The following CSMD1 variants were observed in gnomAD, a reference collection of about 807,000 sequenced individuals.
CSMD1 encodes CUB and sushi domain-containing protein 1.
A neutral mutation model predicts 417.5 loss-of-function variants in CSMD1; 213 were observed. The observed-to-expected ratio is 0.51, with a 90% CI of 0.46 to 0.57. The LOEUF is 0.57. Ranked by LOEUF, CSMD1 falls within the 20% of genes least tolerant of loss-of-function variation. The probability of loss-of-function intolerance (pLI) is 0.00; values close to 1 mark genes in which losing one functional copy is unlikely to be tolerated. For missense variants in CSMD1, 6,923 were observed against 4,529.7 expected, an observed-to-expected ratio of 1.53 and a Z score of -15.17; for synonymous variants, 2,862 against 1,736.8, an observed-to-expected ratio of 1.65 and a Z score of -16.11.
At chr8:4,613,228 G>A (rs1022700003) in intron 2 of CSMD1, among the ~76,000 whole-genome samples, 2 of 152,164 alleles carry the variant, frequency 1.3e-5, no homozygotes, top group East Asian at 1.9e-4. Context: ...TGTTGAGTGT[G>A]TACAAATTGT....
At chr8:4,329,533 C>A (rs1440413129) in intron 3 of CSMD1, among the ~76,000 whole-genome samples, 1 of 152,140 alleles carries the variant, frequency 6.6e-6, no homozygotes, top group Non-Finnish European at 1.5e-5. Context: ...AGTGATTTGT[C>A]TTCCTTGGCC....
intron 3 of CSMD1, among the ~76,000 whole-genome samples, chr8:4,076,748 G>A (rs1214828033): frequency 1.3e-5 from 2 of 152,048 alleles, no homozygotes; most frequent in Non-Finnish European, 2.9e-5. Flanking sequence ...ACCCACCCTG[G>A]GGAATGACCT....
intron 3 of CSMD1, among the ~76,000 whole-genome samples, chr8:4,203,971 C>A (rs899683306): frequency 2.6e-5 from 4 of 151,980 alleles, no homozygotes; most frequent in Non-Finnish European, 5.9e-5. Flanking sequence ...TGTGGTGGTG[C>A]ACGCCTGTGG....
At chr8:3,531,349 C>A (rs139168152) in intron 10 of CSMD1, among the ~76,000 whole-genome samples, 16 of 152,160 alleles carry the variant, frequency 1.1e-4, no homozygotes, top group African/African-American at 3.9e-4. Context: ...AGCCCCTATC[C>A]GACTTATGCG....
At chr8:3,571,608 G>C (rs1001014338) in intron 10 of CSMD1, among the ~76,000 whole-genome samples, 1 of 152,008 alleles carries the variant, frequency 6.6e-6, no homozygotes, top group Non-Finnish European at 1.5e-5. Context: ...CAGCTGCAGG[G>C]GGAAGCCTGC....
intron 50 of CSMD1, among the ~76,000 whole-genome samples, chr8:3,048,608 T>A (rs1811611753): frequency 6.6e-6 from 1 of 152,246 alleles, no homozygotes; most frequent in African/African-American, 2.4e-5. Context: ...CACCCACATA[T>A]AAAGTTCAAA....
intron 10 of CSMD1, among the ~76,000 whole-genome samples, chr8:3,516,165 A>C (rs1348520627): frequency 6.6e-6 from 1 of 152,234 alleles, no homozygotes; most frequent in African/African-American, 2.4e-5. Context: ...CAAAGACAAT[A>C]TCCTTATCCA....
At chr8:4,841,665 G>T (rs550494221) in intron 1 of CSMD1, among the ~76,000 whole-genome samples, 1 of 152,078 alleles carries the variant, frequency 6.6e-6, no homozygotes. Flanking sequence ...AATCCCAGCC[G>T]TTTGGGAGGC....
At chr8:3,321,282 T>G (rs1456321559) in intron 23 of CSMD1, among the ~76,000 whole-genome samples, 2 of 152,134 alleles carry the variant, frequency 1.3e-5, no homozygotes, top group Non-Finnish European at 2.9e-5. Context: ...GGTCCCAGTC[T>G]TCTAAGGATC....
At chr8:3,277,066 G>T (rs1302287074) in intron 26 of CSMD1, among the ~76,000 whole-genome samples, 1 of 152,074 alleles carries the variant, frequency 6.6e-6, no homozygotes, top group Non-Finnish European at 1.5e-5. Flanking sequence ...AACAAGGCGG[G>T]GAAGGTCAGT....
intron 3 of CSMD1, among the ~76,000 whole-genome samples, chr8:4,033,306 G>C (rs574099949): frequency 3.9e-5 from 6 of 152,074 alleles, no homozygotes; most frequent in African/African-American, 9.6e-5. Context: ...GCCGGGCGTG[G>C]TGGCGGGCAC....
At chr8:4,791,509 C>G (rs569380301) in intron 1 of CSMD1, among the ~76,000 whole-genome samples, 2 of 152,144 alleles carry the variant, frequency 1.3e-5, no homozygotes, top group East Asian at 1.9e-4. Context: ...AACAAACAAT[C>G]CAATCCCCTA....
chr8:3,793,929 C>A (rs1236013912), intron 5 of CSMD1, among the ~76,000 whole-genome samples: 2 of 152,152 alleles, frequency 1.3e-5, no homozygotes, highest in Non-Finnish European at 2.9e-5. Context: ...TCTCTTGATA[C>A]TCTCCCCCAG....
intron 10 of CSMD1, among the ~76,000 whole-genome samples, chr8:3,549,800 C>A (rs1235058353): frequency 6.6e-6 from 1 of 152,132 alleles, no homozygotes; most frequent in Admixed American, 6.5e-5. Flanking sequence ...GTAAATAATA[C>A]ACTCCCTTTC....
At chr8:3,538,662 G>A (rs1474117465) in intron 10 of CSMD1, among the ~76,000 whole-genome samples, 2 of 152,210 alleles carry the variant, frequency 1.3e-5, no homozygotes, top group East Asian at 1.9e-4. Context: ...TTGCCAGACT[G>A]GCCTTTTCTT....
At position 3,290,713 on chromosome 8, in the gene CSMD1, A is replaced by T. The variant is rs192659951; in HGVS notation, c.3951-6367T>A. Among the ~76,000 whole-genome samples, 559 of 147,216 alleles carry T rather than the reference A, an allele frequency of 3.8e-3. 103 individuals carry two copies. Among genetic ancestry groups the T allele is most frequent in the African/African-American group, 0.015 (540 of 37,048 alleles). On this transcript the variant is annotated intron_variant, in intron 25 of 69. Transcript: ENST00000635120. ...TTTGCTGAAGTTGCTTATCAGCTTA[A>T]GGAGATTTTGGGCTGAGACAATGGG...
At chr8:4,453,070 T>C (rs943514514) in intron 2 of CSMD1, among the ~76,000 whole-genome samples, 1 of 152,042 alleles carries the variant, frequency 6.6e-6, no homozygotes, top group African/African-American at 2.4e-5. Context: ...CCATGAATGG[T>C]GATAAGCTCT....
chr8:4,761,938 T>C (rs1812134072), intron 1 of CSMD1, among the ~76,000 whole-genome samples: 1 of 147,480 alleles, frequency 6.8e-6, no homozygotes, highest in South Asian at 2.1e-4. Flanking sequence ...TATCTATCTA[T>C]CTATCTATCT....
At chr8:4,289,698 T>G (rs1797254525) in intron 3 of CSMD1, among the ~76,000 whole-genome samples, 1 of 152,178 alleles carries the variant, frequency 6.6e-6, no homozygotes, top group South Asian at 2.1e-4. Flanking sequence ...ACTTTCAGCT[T>G]TGCTTTCTTC....
Sources: gnomAD v4.1 joint callset for allele counts (sites outside exome capture counted in the v4.1 genomes callset) on GRCh38, gnomAD v4.1.1 for gene constraint, MANE v1.5 for transcripts, NCBI Gene and HGNC (gene_info 2026-07-23, HGNC 2026-07-21) for gene names.